Variants in AMBRA1 observed in about 807,000 individuals in gnomAD.
AMBRA1 encodes the protein activating molecule in BECN1-regulated autophagy protein 1.
In AMBRA1, 47 loss-of-function variants were observed where a neutral mutation model predicts 125.4. That is an observed-to-expected ratio of 0.37 (90% CI 0.30 to 0.48). The LOEUF (loss-of-function observed/expected upper bound fraction) is 0.48, where lower values mean the gene tolerates loss of function less well. AMBRA1 is among the 20% of genes least tolerant of loss of function. The pLI, the probability that AMBRA1 is intolerant of heterozygous loss-of-function variation, is 0.99. For synonymous variants in AMBRA1, 626 were observed against 655.5 expected (o/e 0.95, Z 0.69); for missense variants, 1,331 against 1,693.4 (o/e 0.79, Z 3.76).
At chr11:46,538,291 T>A (rs1952574501) in intron 7 of AMBRA1, among the ~76,000 whole-genome samples, 6 of 152,234 alleles carry the variant, frequency 3.9e-5, no homozygotes, top group Admixed American at 3.9e-4. Context: ...TAATATACTA[T>A]CTTACAATGA....
At chr11:46,585,683 AAAAAAAAAAAAAATATATAT>A (rs1437750061) in intron 1 of AMBRA1, among the ~76,000 whole-genome samples, 2 of 33,728 alleles carry the variant, frequency 5.9e-5, no homozygotes, top group African/African-American at 1.3e-4. Context: ...AAAAAAAAAA[AAAAAAAAAAAAAATATATAT>A]ATATATATAT....
At chr11:46,559,079 C>G (rs1412879992) in intron 1 of AMBRA1, among the ~76,000 whole-genome samples, 1 of 152,152 alleles carries the variant, frequency 6.6e-6, no homozygotes, top group Admixed American at 6.5e-5. Flanking sequence ...TCGGGTGGAT[C>G]ACCTGAGGTC....
chr11:46,510,358 C>T (rs750752083), intron 8 of AMBRA1, among the ~76,000 whole-genome samples: 11 of 152,172 alleles, frequency 7.2e-5, no homozygotes, highest in Non-Finnish European at 1.5e-4. Context: ...AGTCGATGTT[C>T]GTGCACTGTT....
rs771013163 is a variant in AMBRA1, at chr11:46,543,163, G to C, written c.854C>G (p.Ser285Cys). The C allele has an allele frequency of 6.4e-7, 1 of 1,565,154 alleles. No homozygotes were observed. The highest frequency in any genetic ancestry group is 1.4e-5 in the African/African-American group (1 of 73,790). Residue 285 changes from serine to cysteine, a missense_variant, in exon 7 of 18, where the codon TCC becomes TGC. By Grantham distance (112) the Ser-to-Cys change is moderately radical. Coordinates refer to ENST00000683756, the MANE Select transcript of AMBRA1 (RefSeq NM_001387011.1). ...PQPSTERPRT[S>C]AYIRLRQRVS... ...CCGCTGTCGGAGCCTGATGTAAGCG[G>C]AAGTCCTGGGGCGCTCCGTGGAGGG...
At chr11:46,447,475 C>A (rs1948349860) in intron 11 of AMBRA1, among the ~76,000 whole-genome samples, 2 of 152,042 alleles carry the variant, frequency 1.3e-5, no homozygotes, top group Non-Finnish European at 2.9e-5. Flanking sequence ...GAGGAGGTTG[C>A]AATGAGATGA....
intron 1 of AMBRA1, among the ~76,000 whole-genome samples, chr11:46,577,243 G>A (rs1210917551): frequency 6.6e-6 from 1 of 152,176 alleles, no homozygotes; most frequent in East Asian, 1.9e-4. Flanking sequence ...AAACAAATGT[G>A]ATGTATACAC....
intron 11 of AMBRA1, among the ~76,000 whole-genome samples, chr11:46,465,964 CA>C (rs1176504247): frequency 2.6e-5 from 4 of 152,192 alleles, no homozygotes; most frequent in African/African-American, 4.8e-5. Context: ...CAAAGATACA[CA>C]GATTTGGGAT....
chr11:46,557,593 T>A (rs185529732), intron 1 of AMBRA1, among the ~76,000 whole-genome samples: 1 of 152,038 alleles, frequency 6.6e-6, no homozygotes, highest in Admixed American at 6.6e-5. Context: ...ATTGTTTGAG[T>A]CCAGGAATTC....
Position 46,590,892 on chromosome 11 carries a change from G to A in AMBRA1, c.-121+2936C>T, listed in dbSNP as rs777323952. On this transcript the variant is annotated intron_variant, in intron 1 of 17. Coordinates refer to ENST00000683756, the MANE Select transcript of AMBRA1 (RefSeq NM_001387011.1). ...CGTGCCACTGCACTCAAGCCTGGGC[G>A]GCAGAGTGAGACTCCATCTCAAAAA... is the stretch of plus-strand genomic sequence containing the variant. 9.3e-5 allele frequency among the ~76,000 whole-genome samples: 14 copies of A among 150,748 alleles called. 1 individual carries two copies. The highest frequency in any genetic ancestry group is 6.6e-4 in the Admixed American group (10 of 15,128).
In AMBRA1 at chr11:46,547,884, CAAAAAA is replaced by C; in HGVS notation, c.136-15_136-10del. 1.4e-6 allele frequency: 2 copies of C among 1,422,162 alleles called. No individual in the cohort carries two copies. Among genetic ancestry groups the C allele is most frequent in the African/African-American group, 1.7e-5 (1 of 59,264 alleles). The allele number at this position is 1,422,162 out of a possible 1,614,324, so 88.1% of individuals were successfully genotyped here. On this transcript the variant is annotated splice_polypyrimidine_tract_variant and intron_variant, in intron 2 of 17. Coordinates refer to ENST00000683756, the MANE Select transcript of AMBRA1 (RefSeq NM_001387011.1). Reference sequence around the variant, plus strand: ...TCCGGCAGTTCTACTCTCTGGGAGACAAAAAAAAAAAAAAAGTTAAAATACATGATT... The same window carrying C: ...TCCGGCAGTTCTACTCTCTGGGAGACAAAAAAAAAGTTAAAATACATGATT...
chr11:46,573,642 TA>T (rs768347648), intron 1 of AMBRA1, among the ~76,000 whole-genome samples: 1 of 151,540 alleles, frequency 6.6e-6, no homozygotes, highest in Non-Finnish European at 1.5e-5. Context: ...TTTCTCTTTT[TA>T]AAGAAGCAGA....
intron 7 of AMBRA1, among the ~76,000 whole-genome samples, chr11:46,517,706 C>T (rs1451510501): frequency 1.3e-5 from 2 of 150,370 alleles, no homozygotes; most frequent in Middle Eastern, 3.2e-3. Flanking sequence ...TGGTGGCACA[C>T]GCCTGTCCCA....
In AMBRA1 at chr11:46,400,473, G is replaced by GTTTTTTTTTTTTTTTTTTTTTTT. The variant is rs553040136; in HGVS notation, c.3404-2553_3404-2531dup. ...CCTCATGCTTCTAGTTCTTTCTATA[G>GTTTTTTTTTTTTTTTTTTTTTTT]TTTTTTTTTTTTTTTTTTTTTTTTT... On this transcript the variant is annotated intron_variant, in intron 17 of 17. Transcript: ENST00000683756. Among the ~76,000 whole-genome samples, 12 of 48,892 alleles carry GTTTTTTTTTTTTTTTTTTTTTTT rather than the reference G, an allele frequency of 2.5e-4. 4 individuals carry two copies. Among genetic ancestry groups the GTTTTTTTTTTTTTTTTTTTTTTT allele is most frequent in the Admixed American group, 5.9e-4 (2 of 3,380 alleles). 32.1% of individuals were successfully genotyped at this position (48,892 alleles called of 152,430 possible).
At chr11:46,488,305 AATTAGCCAGGCCTG>A (rs1950331977) in intron 11 of AMBRA1, among the ~76,000 whole-genome samples, 1 of 152,066 alleles carries the variant, frequency 6.6e-6, no homozygotes, top group Admixed American at 6.6e-5. Context: ...AAAATACAAA[AATTAGCCAGGCCTG>A]GGGGCACACG....
rs1350127105 is a variant in AMBRA1 at position 46,548,493 on chromosome 11, A to G, written c.-113T>C. On this transcript the variant is annotated 5_prime_UTR_variant, in exon 2 of 18. It removes an upstream start codon present in the reference 5' UTR. Coordinates refer to ENST00000683756, the MANE Select transcript of AMBRA1 (RefSeq NM_001387011.1). ...ATACAGGTCCTTGTAAGTTGTCCTC[A>G]TGGAAATCTTAAGGAACAAAGAATA... 20 of 1,336,438 alleles carry G rather than the reference A, an allele frequency of 1.5e-5. No homozygotes were observed. The highest frequency in any genetic ancestry group is 1.0e-6 in the Non-Finnish European group (1 of 989,702). 82.8% of individuals were successfully genotyped at this position (1,336,438 alleles called of 1,614,324 possible). A position where few individuals can be genotyped will look rare whatever the true frequency, so the allele number is the denominator to read the frequency against.
At chr11:46,569,749 G>T (rs2043688313) in intron 1 of AMBRA1, among the ~76,000 whole-genome samples, 1 of 149,660 alleles carries the variant, frequency 6.7e-6, no homozygotes, top group South Asian at 2.1e-4. Flanking sequence ...TAGTCATGTT[G>T]AGAAATGACC....
intron 11 of AMBRA1, among the ~76,000 whole-genome samples, chr11:46,444,289 T>C (rs1948169509): frequency 6.6e-6 from 1 of 152,234 alleles, no homozygotes; most frequent in African/African-American, 2.4e-5. Context: ...AGAACCTCCT[T>C]GAATCCACAT....
chr11:46,524,150 G>A (rs544199890), intron 7 of AMBRA1, among the ~76,000 whole-genome samples: 27 of 152,310 alleles, frequency 1.8e-4, no homozygotes, highest in Non-Finnish European at 3.2e-4. Flanking sequence ...TTACAGGTGT[G>A]AGCCACCGCA....
At chr11:46,513,093 G>A (rs74933558) in intron 7 of AMBRA1, among the ~76,000 whole-genome samples, 16 of 152,158 alleles carry the variant, frequency 1.1e-4, no homozygotes, top group Non-Finnish European at 1.6e-4. Flanking sequence ...CTTTCTATTT[G>A]CAGTACCTCC....
Sources: gnomAD v4.1 joint callset for allele counts (sites outside exome capture counted in the v4.1 genomes callset) on GRCh38, gnomAD v4.1.1 for gene constraint, MANE v1.5 for transcripts, NCBI Gene and HGNC (gene_info 2026-07-23, HGNC 2026-07-21) for gene names.